HNRNPH1: variants seen among roughly 807,000 people sequenced by gnomAD.
HNRNPH1 encodes the protein heterogeneous nuclear ribonucleoprotein H1, also known as heterogeneous nuclear ribonucleoprotein H.
In HNRNPH1, 4 loss-of-function variants were observed where a neutral mutation model predicts 58.6. That is an observed-to-expected ratio of 0.07 (90% confidence interval 0.03 to 0.16). The LOEUF is 0.16. Ranked by LOEUF, HNRNPH1 falls within the 10% of genes least tolerant of loss-of-function variation. The pLI, the probability that HNRNPH1 is intolerant of heterozygous loss-of-function variation, is 1.00. For synonymous variants in HNRNPH1, 192 were observed against 189.2 expected (o/e 1.01, Z -0.12); for missense variants, 271 against 564.2 (o/e 0.48, Z 5.26).
chr5:179,621,415 G>C lies in HNRNPH1; in HGVS notation c.98-18C>G, dbSNP rs777407317. 1 of 1,607,720 alleles carries C rather than the reference G, an allele frequency of 6.2e-7. No individual in the cohort carries two copies. Among genetic ancestry groups the C allele is most frequent in the Admixed American group, 1.7e-5 (1 of 59,174 alleles). On this transcript the variant is annotated intron_variant, in intron 1 of 12. Transcript: ENST00000356731. ...TTTGCAGTCTGGAAAGAAAACAACCGTTAATACAGAATTTAAAACCTAAAA... is the reference window on the plus strand; with the variant it reads ...TTTGCAGTCTGGAAAGAAAACAACCCTTAATACAGAATTTAAAACCTAAAA...
Position 179,618,036 on chromosome 5 carries a change from T to C in HNRNPH1, c.740A>G (p.Asn247Ser). ...AAATCCATAGCCATCATTATAGCCA[T>C]TGTAATCATCATAGCCTCCATAGCC... Residue 247 changes from asparagine (N) to serine (S), a missense_variant, in exon 6 of 13, where the codon AAT becomes AGT. This residue lies in a region of HNRNPH1 where 74 missense variants were observed against 127.3 expected (regional missense o/e 0.58). Transcript: ENST00000356731. The C allele has an allele frequency of 1.9e-6, 3 of 1,614,136 alleles. No homozygotes were observed. Among genetic ancestry groups the C allele is most frequent in the Non-Finnish European group, 2.5e-6 (3 of 1,179,962 alleles).
chr5:179,623,132 A>G (rs1486088606), exon 1 of HNRNPH1: 3 of 1,602,600 alleles, frequency 1.9e-6, no homozygotes, highest in Non-Finnish European at 2.6e-6. Flanking sequence ...GCCCAACATC[A>G]TCGTCTCTTA....
chr5:179,616,050 C>G (rs1769415497), intron 11 of HNRNPH1, 76 bp downstream of exon 12: 2 of 1,280,188 alleles, frequency 1.6e-6, no homozygotes, highest in African/African-American at 1.5e-5. Context: ...CAGGCTTTAC[C>G]ATAACTTACT....
At chr5:179,626,017 G>C (rs112121775), upstream of HNRNPH1, among the ~76,000 whole-genome samples, 2,108 of 151,878 alleles carry the variant, frequency 0.014, 48 homozygotes, top group African/African-American at 0.046. Flanking sequence ...TTGAATTCTT[G>C]GGCTCAAGGA....
exon 3 of HNRNPH1, chr5:179,620,947 C>T (rs1772039165): frequency 1.9e-6 from 3 of 1,614,068 alleles, no homozygotes; most frequent in South Asian, 1.1e-5. Flanking sequence ...GTCCTCTAAG[C>T]CGTACAAAGC....
chr5:179,619,206 G>A (rs1160574033), intron 4 of HNRNPH1, 63 bp downstream of exon 5: 2 of 1,367,670 alleles, frequency 1.5e-6, no homozygotes, highest in Non-Finnish European at 2.0e-6. Flanking sequence ...TAAGCAGAGA[G>A]AATATGGATT....
At chr5:179,624,667 C>T (rs1432700835) in exon 1 of HNRNPH1, 3 of 398,464 alleles carry the variant, frequency 7.5e-6, no homozygotes, top group East Asian at 3.6e-5. Context: ...TTTCTAGCAG[C>T]ACTGCCCAAA....
exon 1 of HNRNPH1, chr5:179,634,741 C>T (rs1775103353): frequency 7.7e-6 from 1 of 130,388 alleles, no homozygotes; most frequent in African/African-American, 2.5e-5. Flanking sequence ...CCCAGATACC[C>T]TGTGCTCTCA....
At position 179,614,802 on chromosome 5, in the gene HNRNPH1, AAAAAG is replaced by A. The variant is rs1389805354; in HGVS notation, c.*153_*157del. On this transcript the variant is annotated 3_prime_UTR_variant, in exon 13 of 13. Coordinates refer to ENST00000356731, the Ensembl canonical transcript of HNRNPH1. ...TCTTAAAGAAAAAAAAAAAAAAAAA[AAAAAG>A]GTTGACCAAGAGTCAGTGATCAGGA... 5 of 995,252 alleles carry A rather than the reference AAAAAG, an allele frequency of 5.0e-6. No individual in the cohort carries two copies. The South Asian group carries it at 7.8e-5, about 16-fold the overall frequency. The allele number at this position is 995,252 out of a possible 1,614,324, so 61.7% of individuals were successfully genotyped here. A position where few individuals can be genotyped will look rare whatever the true frequency, so the allele number is the denominator to read the frequency against.
At chr5:179,625,469 G>A (rs1774295379), upstream of HNRNPH1, among the ~76,000 whole-genome samples, 2 of 143,106 alleles carry the variant, frequency 1.4e-5, no homozygotes, top group Non-Finnish European at 3.0e-5. Flanking sequence ...TCCAGCCTGG[G>A]CTACAAAGAC....
chr5:179,628,244 A>G (rs926637391), upstream of HNRNPH1, among the ~76,000 whole-genome samples: 3 of 152,226 alleles, frequency 2.0e-5, no homozygotes, highest in Admixed American at 6.5e-5. Flanking sequence ...CCAGAGATTG[A>G]GCACATATTT....
chr5:179,615,104 A>T (rs995848452), intron 12 of HNRNPH1, 145 bp from the exon 14 acceptor site: 7 of 622,762 alleles, frequency 1.1e-5, no homozygotes, highest in African/African-American at 1.1e-4. Context: ...GGAAAGGGGA[A>T]TCCCGACTCC....
chr5:179,616,316 G>T, intron 10 of HNRNPH1, 98 bp from the exon 12 acceptor site: 2 of 963,542 alleles, frequency 2.1e-6, no homozygotes, highest in Non-Finnish European at 3.4e-6. Flanking sequence ...TTCCAGTCTT[G>T]ATCTTACATT....
chr5:179,631,746 A>T (rs1330822264), intron 2 of HNRNPH1, among the ~76,000 whole-genome samples: 1 of 151,594 alleles, frequency 6.6e-6, no homozygotes, highest in Non-Finnish European at 1.5e-5. Flanking sequence ...AGACCTCAAA[A>T]AAAAAAATTT....
At chr5:179,625,709 C>A (rs920210077), upstream of HNRNPH1, among the ~76,000 whole-genome samples, 1 of 150,866 alleles carries the variant, frequency 6.6e-6, no homozygotes, top group Admixed American at 6.6e-5. Flanking sequence ...ATTTCATACA[C>A]TTATAGCCAA....
Position 179,618,122 on chromosome 5 carries a change from G to A in HNRNPH1, c.715+23C>T, listed in dbSNP as rs370275246. On this transcript the variant is annotated intron_variant, in intron 5 of 12. Coordinates refer to ENST00000356731, the Ensembl canonical transcript of HNRNPH1. ...TAGACAAAGGAACAGACGACTTGCC[G>A]AACCTTACGAATCCTCACGTACCTC... is the stretch of plus-strand genomic sequence containing the variant. 102 of 1,613,106 alleles carry A rather than the reference G, an allele frequency of 6.3e-5. 2 individuals carry two copies. The African/African-American group carries it at 1.1e-3, about 18-fold the overall frequency.
intron 2 of HNRNPH1, among the ~76,000 whole-genome samples, chr5:179,632,109 ATC>A (rs1562373391): frequency 6.6e-6 from 1 of 152,016 alleles, no homozygotes; most frequent in African/African-American, 2.4e-5. Context: ...GATCGAGACC[ATC>A]CCGGCTAACA....
intron 10 of HNRNPH1, 84 bp from the exon 12 acceptor site, chr5:179,616,302 C>G: frequency 9.3e-7 from 1 of 1,075,442 alleles, no homozygotes; most frequent in Non-Finnish European, 1.4e-6. Context: ...CTATAGCTAT[C>G]ATTTTCCAGT....
At chr5:179,633,461 ATTTTT>A (rs762139490) in intron 2 of HNRNPH1, among the ~76,000 whole-genome samples, 47 of 102,580 alleles carry the variant, frequency 4.6e-4, no homozygotes, top group Middle Eastern at 0.016. Flanking sequence ...CACCCGGCTA[ATTTTT>A]TTTTTTTTTT....
Sources: gnomAD v4.1 joint callset for allele counts (sites outside exome capture counted in the v4.1 genomes callset) on GRCh38, gnomAD v4.1.1 for gene constraint, gnomAD v4.1.1 regional missense constraint, MANE v1.5 for transcripts, NCBI Gene and HGNC (gene_info 2026-07-23, HGNC 2026-07-21) for gene names.